CHN1: variants seen among roughly 807,000 people sequenced by gnomAD.
CHN1 encodes the protein N-chimaerin.
A neutral mutation model predicts 59.5 loss-of-function variants in CHN1; 37 were observed. That is an observed-to-expected ratio of 0.62 (90% CI 0.48 to 0.82). The LOEUF (loss-of-function observed/expected upper bound fraction) is 0.82, where lower values mean the gene tolerates loss of function less well. CHN1 is among the 40% of genes least tolerant of loss of function. The probability of loss-of-function intolerance (pLI) is 0.00; values close to 1 mark genes in which losing one functional copy is unlikely to be tolerated. For missense variants in CHN1, 469 were observed against 571.0 expected, an observed-to-expected ratio of 0.82 and a Z score of 1.82; for synonymous variants, 206 against 200.4, an observed-to-expected ratio of 1.03 and a Z score of -0.24.
chr2:174,881,359 C>T (rs1344064129), intron 5 of CHN1, among the ~76,000 whole-genome samples: 1 of 152,054 alleles, frequency 6.6e-6, no homozygotes, highest in African/African-American at 2.4e-5. Context: ...TAAGAGAAAA[C>T]CTTAGGCTTT....
At chr2:174,997,587 C>T (rs781622454) in intron 1 of CHN1, among the ~76,000 whole-genome samples, 46 of 152,086 alleles carry the variant, frequency 3.0e-4, no homozygotes, top group Non-Finnish European at 5.3e-4. Context: ...TTCAGTCAAA[C>T]AGATGTTTCC....
chr2:174,880,200 CAT>C (rs1687691451), intron 5 of CHN1, among the ~76,000 whole-genome samples: 1 of 152,174 alleles, frequency 6.6e-6, no homozygotes, highest in Non-Finnish European at 1.5e-5. Context: ...GAGATGATCA[CAT>C]AACCAAAAAA....
At chr2:174,911,153 T>C (rs1049534943) in intron 5 of CHN1, among the ~76,000 whole-genome samples, 2 of 151,922 alleles carry the variant, frequency 1.3e-5, no homozygotes, top group Non-Finnish European at 2.9e-5. Flanking sequence ...CCATAGAAAA[T>C]GTCCAAACTC....
At chr2:174,920,391 G>C (rs1383045136) in intron 3 of CHN1, among the ~76,000 whole-genome samples, 1 of 152,064 alleles carries the variant, frequency 6.6e-6, no homozygotes, top group South Asian at 2.1e-4. Context: ...ACTGAGCGTC[G>C]GAGAGATTAC....
At chr2:174,920,451 T>C (rs546730355) in intron 3 of CHN1, among the ~76,000 whole-genome samples, 1 of 152,228 alleles carries the variant, frequency 6.6e-6, no homozygotes, top group African/African-American at 2.4e-5. Context: ...AAGGCACAAT[T>C]AGGATTCTTA....
intron 1 of CHN1, among the ~76,000 whole-genome samples, chr2:174,963,003 T>C (rs1690467163): frequency 6.6e-6 from 1 of 152,174 alleles, no homozygotes; most frequent in African/African-American, 2.4e-5. Flanking sequence ...TATTAAAAGG[T>C]TTTCTCCATT....
chr2:174,895,380 A>T (rs1376987845), intron 5 of CHN1, among the ~76,000 whole-genome samples: 1 of 152,054 alleles, frequency 6.6e-6, no homozygotes, highest in Non-Finnish European at 1.5e-5. Flanking sequence ...AGCAGTCAAA[A>T]TCATGCAAAC....
chr2:174,899,668 T>C (rs774762027), intron 5 of CHN1, among the ~76,000 whole-genome samples: 1 of 152,244 alleles, frequency 6.6e-6, no homozygotes, highest in African/African-American at 2.4e-5. Context: ...TCTATGTGCT[T>C]AGCCATGTCT....
chr2:174,909,339 C>A (rs942655755), intron 5 of CHN1, among the ~76,000 whole-genome samples: 1 of 152,186 alleles, frequency 6.6e-6, no homozygotes, highest in African/African-American at 2.4e-5. Flanking sequence ...ATTCTTCCTT[C>A]CAAAGCCTTA....
chr2:174,915,095 T>C lies in CHN1; in HGVS notation c.223A>G (p.Ser75Gly). 1 of 1,611,824 alleles carries C rather than the reference T, an allele frequency of 6.2e-7. No homozygotes were observed. The highest frequency in any genetic ancestry group is 2.2e-5 in the East Asian group (1 of 44,818). ...VAEGSYLIRE[S>G]QRQPGTYTLA... is the part of the protein sequence containing the mutation. ...GTGTAGGTCCCTGGCTGCCGCTGGC[T>C]CTCCCGGATGAGGTAGCTCCCCTCA... Residue 75 changes from serine to glycine, a missense_variant, in exon 5 of 13, where the codon AGC becomes GGC. Coordinates refer to ENST00000409900, the MANE Select transcript of CHN1 (RefSeq NM_001822.7).
At chr2:174,918,757 T>C (rs1688920780) in intron 3 of CHN1, among the ~76,000 whole-genome samples, 192 bp from the exon 4 acceptor site, 1 of 152,188 alleles carries the variant, frequency 6.6e-6, no homozygotes, top group Non-Finnish European at 1.5e-5. Context: ...TCCAGACCTA[T>C]TTCTTATTTA....
chr2:174,950,499 T>G (rs1434636630), intron 2 of CHN1, among the ~76,000 whole-genome samples: 1 of 151,906 alleles, frequency 6.6e-6, no homozygotes, highest in Non-Finnish European at 1.5e-5. Flanking sequence ...TGACCTCAGG[T>G]GATCCACCCA....
chr2:174,825,673 A>G (rs1685659544), intron 7 of CHN1, among the ~76,000 whole-genome samples: 1 of 152,240 alleles, frequency 6.6e-6, no homozygotes, highest in African/African-American at 2.4e-5. Context: ...GTACATTACA[A>G]TTGATTCCAA....
chr2:174,978,429 G>A (rs941969681), intron 1 of CHN1, among the ~76,000 whole-genome samples: 1 of 152,196 alleles, frequency 6.6e-6, no homozygotes, highest in African/African-American at 2.4e-5. Context: ...CAAAATGGCA[G>A]CACAGGGCAT....
intron 3 of CHN1, among the ~76,000 whole-genome samples, chr2:174,934,316 C>G (rs1043764573): frequency 1.3e-5 from 2 of 152,202 alleles, no homozygotes; most frequent in African/African-American, 4.8e-5. Flanking sequence ...AGTGCACAAC[C>G]TAGATCCCTT....
rs1446323843 is a variant in CHN1, at chr2:174,875,924, AT to A, written c.549+1915del. On this transcript the variant is annotated intron_variant, in intron 6 of 12. Transcript: ENST00000409900. ...AGATTTTAAGCCAGCTAGATTTAAG[AT>A]GCATGCGGTTTAAAGCAAAGAGTAA... The A allele has an allele frequency of 1.0e-5, 6 of 597,588 alleles. No homozygotes were observed. The African/African-American group carries it at 1.2e-4, about 12-fold the overall frequency. The allele number at this position is 597,588 out of a possible 1,614,324, so 37.0% of individuals were successfully genotyped here.
chr2:174,984,370 T>C (rs1471036405), intron 1 of CHN1, among the ~76,000 whole-genome samples: 1 of 147,242 alleles, frequency 6.8e-6, no homozygotes, highest in East Asian at 1.9e-4. Flanking sequence ...TATAAGCTTT[T>C]TTTTTTTTTT....
intron 7 of CHN1, among the ~76,000 whole-genome samples, chr2:174,828,187 G>A (rs115501125): frequency 0.014 from 2,155 of 152,198 alleles, 45 homozygotes; most frequent in African/African-American, 0.049. Context: ...GTTCAGTTAT[G>A]GAGCAAATGA....
At position 175,004,876 on chromosome 2, in the gene CHN1, G is replaced by T; in HGVS notation, c.19+18C>A. ...ACGCGGCCCACCTGCGGCGGCGCGG[G>T]GAGACGGCTGCACTTACCAAACAGG... On this transcript the variant is annotated intron_variant, in intron 1 of 12. Coordinates refer to ENST00000409900, the MANE Select transcript of CHN1 (RefSeq NM_001822.7). 1 of 1,403,834 alleles carries T rather than the reference G, an allele frequency of 7.1e-7. No homozygotes were observed. The highest frequency in any genetic ancestry group is 9.3e-7 in the Non-Finnish European group (1 of 1,070,088). 87.0% of individuals were successfully genotyped at this position (1,403,834 alleles called of 1,614,324 possible). A position where few individuals can be genotyped will look rare whatever the true frequency, so the allele number is the denominator to read the frequency against.
Sources: allele counts gnomAD v4.1 joint callset (sites outside exome capture counted in the v4.1 genomes callset), GRCh38; gene constraint gnomAD v4.1.1; transcripts MANE v1.5; gene names NCBI Gene and HGNC (gene_info 2026-07-23, HGNC 2026-07-21).